The following PCDHGA6 variants were observed in gnomAD, a reference collection of about 807,000 sequenced individuals.
PCDHGA6 encodes the protein protocadherin gamma-A6.
A neutral mutation model predicts 60.6 loss-of-function variants in PCDHGA6; 41 were observed. The ratio of observed to expected loss-of-function variants is 0.68; its 90% confidence interval spans 0.53 to 0.88. The LOEUF (loss-of-function observed/expected upper bound fraction) is 0.88. Among genes scored for constraint, PCDHGA6 ranks in the 40% least tolerant of loss-of-function variants. The pLI, the probability that PCDHGA6 is intolerant of heterozygous loss-of-function variation, is 0.00. For missense variants in PCDHGA6, 1,312 were observed against 1,203.0 expected (o/e 1.09, Z -1.34); for synonymous variants, 594 against 524.4 (o/e 1.13, Z -1.81).
At chr5:141,387,298 A>G (rs2090894771) in intron 1 of PCDHGA6, among the ~76,000 whole-genome samples, 1 of 152,244 alleles carries the variant, frequency 6.6e-6, no homozygotes, top group Admixed American at 6.5e-5. Context: ...AAATGTATCC[A>G]GTATATTTCT....
At chr5:141,399,501 C>G in intron 1 of PCDHGA6, 1 of 1,614,030 alleles carries the variant, frequency 6.2e-7, no homozygotes, top group South Asian at 1.1e-5. Flanking sequence ...TCAGTGTACC[C>G]GAAAACAACC....
chr5:141,413,723 C>G, intron 1 of PCDHGA6: 1 of 1,613,552 alleles, frequency 6.2e-7, no homozygotes, highest in Non-Finnish European at 8.5e-7. Context: ...AAGCACTTCT[C>G]CCTAAGAGTT....
Position 141,487,491 on chromosome 5 carries a change from C to T in PCDHGA6, c.2425-7316C>T. ...GTGGGAGGCCACTCTCATGGCTGTA[C>T]ACCCTTGGCTTCTGCACCCACTCGG... is the stretch of plus-strand genomic sequence containing the variant. On this transcript the variant is annotated intron_variant, in intron 1 of 3. Transcript: ENST00000517434. This position sits in a 1 kb window ranked among gnomAD's most constrained non-coding sequence, Gnocchi z 5.0. 6.2e-7 allele frequency: 1 copy of T among 1,614,204 alleles called. No individual in the cohort carries two copies. Among genetic ancestry groups the T allele is most frequent in the Non-Finnish European group, 8.5e-7 (1 of 1,180,034 alleles).
At position 141,413,888 on chromosome 5, in the gene PCDHGA6, A is replaced by G. The variant is rs777389288; in HGVS notation, c.2424+37381A>G. On this transcript the variant is annotated intron_variant, in intron 1 of 3. Transcript: ENST00000517434. Reference sequence around the variant, plus strand: ...GTCCTTGTCAGTGTGACTGTCTTCGATGCAAATGACAACGCGCCGGTCTTC... The same window carrying G: ...GTCCTTGTCAGTGTGACTGTCTTCGGTGCAAATGACAACGCGCCGGTCTTC... The G allele has an allele frequency of 2.5e-5, 40 of 1,613,256 alleles. No individual in the cohort carries two copies. Among genetic ancestry groups the G allele is most frequent in the Non-Finnish European group, 3.4e-5 (40 of 1,179,886 alleles).
Position 141,432,320 on chromosome 5 carries a change from G to A in PCDHGA6, c.2424+55813G>A, listed in dbSNP as rs369088426. 4 of 1,614,120 alleles carry A rather than the reference G, an allele frequency of 2.5e-6. No individual in the cohort carries two copies. The African/African-American group carries it at 4.0e-5, about 16-fold the overall frequency. On this transcript the variant is annotated intron_variant, in intron 1 of 3. Coordinates refer to ENST00000517434, the MANE Select transcript of PCDHGA6 (RefSeq NM_018919.3). The surrounding 1 kb of genome is among the most constrained non-coding windows in gnomAD (Gnocchi z 6.0). ...GGTACTGTATGCGCTGAGCTCCTTC[G>A]ACTACGAGCAGTTCCGAGACTTGCA...
At chr5:141,495,292 C>T (rs74321313) in intron 2 of PCDHGA6, among the ~76,000 whole-genome samples, 8,567 of 152,256 alleles carry the variant, frequency 0.056, 526 homozygotes, top group African/African-American at 0.16. Context: ...CCGCACTCAG[C>T]GCCTCCTCCA....
At chr5:141,508,499 C>T (rs1425054102) in intron 3 of PCDHGA6, among the ~76,000 whole-genome samples, 7 of 152,212 alleles carry the variant, frequency 4.6e-5, no homozygotes, top group Non-Finnish European at 1.0e-4. Flanking sequence ...CATATCTTCT[C>T]TCCCTCCTGG....
chr5:141,384,598 C>T lies in PCDHGA6; in HGVS notation c.2424+8091C>T, dbSNP rs1451402043. On this transcript the variant is annotated intron_variant, in intron 1 of 3. Transcript: ENST00000517434. ...CCCGCCCGAGATCCTGTACCCGGCCCTCCCCACAGATGGTTCTACTGGCAT... is the reference window on the plus strand; with the variant it reads ...CCCGCCCGAGATCCTGTACCCGGCCTTCCCCACAGATGGTTCTACTGGCAT... 2.5e-6 allele frequency: 4 copies of T among 1,614,138 alleles called. No individual in the cohort carries two copies. The African/African-American group carries it at 5.3e-5, about 22-fold the overall frequency.
chr5:141,399,946 G>A (rs911365297), intron 1 of PCDHGA6: 1 of 1,612,270 alleles, frequency 6.2e-7, no homozygotes, highest in African/African-American at 1.3e-5. Context: ...CGTGCTGCAG[G>A]CTAGCGAGCC....
chr5:141,408,326 G>A, intron 1 of PCDHGA6: 6 of 1,613,904 alleles, frequency 3.7e-6, no homozygotes, highest in Non-Finnish European at 4.2e-6. Context: ...GGAGGAGCTG[G>A]CCAAGGGCTC....
intron 1 of PCDHGA6, chr5:141,409,321 T>G (rs899218484): frequency 1.9e-6 from 3 of 1,613,996 alleles, no homozygotes; most frequent in Admixed American, 1.7e-5. Context: ...AAACACGGGA[T>G]CTGGATTTCG....
Position 141,375,109 on chromosome 5 carries a change from T to G in PCDHGA6, c.1026T>G (p.Asp342Glu), listed in dbSNP as rs199796645. Residue 342 changes from aspartate (D) to glutamate (E), a missense_variant, in exon 1 of 4, where the codon GAT becomes GAG. Physicochemically the swap from Asp to Glu is conservative, Grantham distance 45. Transcript: ENST00000517434. ...KVLITILDVN[D>E]NVPEVVVTSG... ...TAATAACTATCTTGGATGTCAATGA[T>G]AATGTACCAGAAGTGGTTGTTACAT... 1 of 1,613,952 alleles carries G rather than the reference T, an allele frequency of 6.2e-7. No homozygotes were observed. The highest frequency in any genetic ancestry group is 1.6e-4 in the Middle Eastern group (1 of 6,062).
At chr5:141,383,465 C>A (rs199737560) in intron 1 of PCDHGA6, 8 of 1,613,792 alleles carry the variant, frequency 5.0e-6, no homozygotes, top group Non-Finnish European at 5.9e-6. Context: ...GACGATGAAA[C>A]TAAGTACCCG....
At chr5:141,384,867 C>T (rs1780607130) in intron 1 of PCDHGA6, 1 of 1,613,660 alleles carries the variant, frequency 6.2e-7, no homozygotes, top group South Asian at 1.1e-5. Context: ...CTCTGTCAGC[C>T]ACCGTCACAC....
At chr5:141,422,302 G>A (rs749870505) in intron 1 of PCDHGA6, 2 of 1,549,012 alleles carry the variant, frequency 1.3e-6, no homozygotes, top group Admixed American at 4.3e-5. Flanking sequence ...TTCAATTCTG[G>A]AAAACTCTCC....
At chr5:141,393,297 G>T (rs376887343) in intron 1 of PCDHGA6, 3 of 1,613,934 alleles carry the variant, frequency 1.9e-6, no homozygotes, top group Non-Finnish European at 1.7e-6. Context: ...TGACCCGGAT[G>T]TGGGCGTGAA....
Position 141,490,083 on chromosome 5 carries a change from T to G in PCDHGA6, c.2425-4724T>G. Reference sequence around the variant, plus strand: ...CCAACGGCCAACTAGACTATTCTTTTGGAGACCACACATCTGAGGCAGTGC... The same window carrying G: ...CCAACGGCCAACTAGACTATTCTTTGGGAGACCACACATCTGAGGCAGTGC... On this transcript the variant is annotated intron_variant, in intron 1 of 3. Coordinates refer to ENST00000517434, the MANE Select transcript of PCDHGA6 (RefSeq NM_018919.3). This position sits in a 1 kb window ranked among gnomAD's most constrained non-coding sequence, Gnocchi z 5.4. 1.2e-6 allele frequency: 2 copies of G among 1,614,262 alleles called. No individual in the cohort carries two copies. The highest frequency in any genetic ancestry group is 1.7e-6 in the Non-Finnish European group (2 of 1,180,054).
intron 1 of PCDHGA6, chr5:141,427,995 G>T (rs1292989797): frequency 6.3e-7 from 1 of 1,599,590 alleles, no homozygotes; most frequent in Non-Finnish European, 8.6e-7. Flanking sequence ...CGATGGCTCC[G>T]CACTCTTCGA....
At position 141,486,455 on chromosome 5, in the gene PCDHGA6, T is replaced by G; in HGVS notation, c.2425-8352T>G. On this transcript the variant is annotated intron_variant, in intron 1 of 3. Transcript: ENST00000517434. This position sits in a 1 kb window ranked among gnomAD's most constrained non-coding sequence, Gnocchi z 5.0. Reference sequence around the variant, plus strand: ...TAGCTATGACATCATGGTCACTGCTTCTGATGCTGGGAACCCTCCTCTCAG... The same window carrying G: ...TAGCTATGACATCATGGTCACTGCTGCTGATGCTGGGAACCCTCCTCTCAG... 6.2e-7 allele frequency: 1 copy of G among 1,614,066 alleles called. No homozygotes were observed. Among genetic ancestry groups the G allele is most frequent in the Non-Finnish European group, 8.5e-7 (1 of 1,179,892 alleles).
Sources: gnomAD v4.1 joint callset for allele counts (sites outside exome capture counted in the v4.1 genomes callset) on GRCh38, gnomAD v4.1.1 for gene constraint, Gnocchi (gnomAD v3.1) non-coding constraint, MANE v1.5 for transcripts, NCBI Gene and HGNC (gene_info 2026-07-23, HGNC 2026-07-21) for gene names.